BANP: variants seen among roughly 807,000 people sequenced by gnomAD.
BANP encodes the protein protein BANP.
A neutral mutation model predicts 68.1 loss-of-function variants in BANP; 11 were observed. The observed-to-expected ratio is 0.16, with a 90% CI of 0.10 to 0.27. The LOEUF is 0.27. Among genes scored for constraint, BANP ranks in the 10% least tolerant of loss-of-function variants. The probability of loss-of-function intolerance (pLI) is 1.00; values close to 1 mark genes in which losing one functional copy is unlikely to be tolerated. For missense variants in BANP, 504 were observed against 722.7 expected, an observed-to-expected ratio of 0.70 and a Z score of 3.47; for synonymous variants, 329 against 303.2, an observed-to-expected ratio of 1.09 and a Z score of -0.88.
chr16:88,068,610 G>A (rs1458575750), intron 12 of BANP, among the ~76,000 whole-genome samples: 3 of 152,158 alleles, frequency 2.0e-5, no homozygotes, highest in Non-Finnish European at 4.4e-5. Flanking sequence ...ACTGGTGCGG[G>A]TGCTGGCTGC....
intron 1 of BANP, among the ~76,000 whole-genome samples, 157 bp from the exon 2 acceptor site, chr16:87,974,891 C>T (rs2061735081): frequency 6.6e-6 from 1 of 152,190 alleles, no homozygotes; most frequent in African/African-American, 2.4e-5. Flanking sequence ...TTCAAAGAAA[C>T]TAACCTTTTG....
intron 12 of BANP, 38 bp from the exon 13 acceptor site, chr16:88,072,031 G>A (rs946209528): frequency 6.5e-7 from 1 of 1,543,744 alleles, no homozygotes; most frequent in Non-Finnish European, 8.7e-7. Context: ...TGGGTTGTGG[G>A]CCACGCCGCT....
chr16:88,017,782 C>G (rs913869580), intron 6 of BANP, among the ~76,000 whole-genome samples: 3 of 152,222 alleles, frequency 2.0e-5, no homozygotes, highest in African/African-American at 7.2e-5. Flanking sequence ...GTCCACGGGT[C>G]CTTGCTGTGG....
Position 88,004,734 on chromosome 16 carries a change from C to T in BANP, c.479+323C>T, listed in dbSNP as rs1014583085. 6.6e-6 allele frequency among the ~76,000 whole-genome samples: 1 copy of T among 152,236 alleles called. No homozygotes were observed. The highest frequency in any genetic ancestry group is 2.4e-5 in the African/African-American group (1 of 41,466). ...TCATCCTCCCACCTAGCTCAGTGGT[C>T]CTCACGTCTGTCTGTGCAGAGCGTG... is the stretch of plus-strand genomic sequence containing the variant. On this transcript the variant is annotated intron_variant, in intron 5 of 13. Coordinates refer to ENST00000682872, the MANE Select transcript of BANP (RefSeq NM_001386991.1). This position sits in a 1 kb window ranked among gnomAD's most constrained non-coding sequence, Gnocchi z 7.0.
At chr16:88,014,964 A>T (rs1021906833) in intron 6 of BANP, among the ~76,000 whole-genome samples, 11 of 152,096 alleles carry the variant, frequency 7.2e-5, no homozygotes, top group Non-Finnish European at 1.5e-4. Flanking sequence ...CTATTCCTGG[A>T]TTACTGAGCA....
chr16:88,027,046 A>C (rs527532464), intron 7 of BANP, among the ~76,000 whole-genome samples: 1 of 152,364 alleles, frequency 6.6e-6, no homozygotes, highest in East Asian at 1.9e-4. Context: ...CCGAGTAGGC[A>C]GAGGACCAGC....
chr16:87,961,054 G>A (rs2059027197), intron 1 of BANP, among the ~76,000 whole-genome samples: 2 of 152,230 alleles, frequency 1.3e-5, no homozygotes, highest in Non-Finnish European at 2.9e-5. Context: ...ACTCGGTGAA[G>A]CAACATTTTC....
Position 88,071,268 on chromosome 16 carries a change from C to A in BANP, c.1378-801C>A. On this transcript the variant is annotated intron_variant, in intron 12 of 13. Coordinates refer to ENST00000682872, the MANE Select transcript of BANP (RefSeq NM_001386991.1). The surrounding 1 kb of genome is among the most constrained non-coding windows in gnomAD (Gnocchi z 6.5). ...CAAGTGAAGACCCCGTGGCTCATGT[C>A]AAGTGCCCTCAGGGCTGGGGCTGCC... 2.8e-6 allele frequency: 1 copy of A among 360,312 alleles called. No homozygotes were observed. 22.3% of individuals were successfully genotyped at this position (360,312 alleles called of 1,614,324 possible).
At chr16:88,076,176 A>G (rs1405040960) in intron 13 of BANP, among the ~76,000 whole-genome samples, 3 of 152,240 alleles carry the variant, frequency 2.0e-5, no homozygotes, top group African/African-American at 4.8e-5. Context: ...TTGTTGAAAC[A>G]TTGGGACAGT....
At chr16:88,069,343 A>G (rs144683907) in intron 12 of BANP, among the ~76,000 whole-genome samples, 1 of 152,232 alleles carries the variant, frequency 6.6e-6, no homozygotes, top group Non-Finnish European at 1.5e-5. Context: ...TTGTTAAAAA[A>G]ATATAAGGCA....
At chr16:87,964,002 A>G (rs1157371845) in intron 1 of BANP, among the ~76,000 whole-genome samples, 3 of 152,240 alleles carry the variant, frequency 2.0e-5, no homozygotes, top group African/African-American at 4.8e-5. Context: ...ATGACCAGCT[A>G]CCGTTAGCCT....
chr16:87,967,791 T>G (rs1481670431), intron 1 of BANP, among the ~76,000 whole-genome samples: 4 of 150,810 alleles, frequency 2.7e-5, no homozygotes, highest in Non-Finnish European at 5.9e-5. Flanking sequence ...CCCTGCTAAT[T>G]TTTGTATTTT....
At chr16:87,996,619 A>T (rs1163946279) in intron 4 of BANP, among the ~76,000 whole-genome samples, 1 of 143,276 alleles carries the variant, frequency 7.0e-6, no homozygotes, top group Non-Finnish European at 1.5e-5. Flanking sequence ...TCTGGTTCTG[A>T]GTGTTGCTGG....
intron 2 of BANP, chr16:87,978,779 C>G (rs1328682764): frequency 2.5e-6 from 1 of 401,790 alleles, no homozygotes; most frequent in East Asian, 7.3e-5. Flanking sequence ...TCAGCCTTAA[C>G]ACGCTAAGTG....
chr16:88,039,124 C>G (rs929649083), intron 11 of BANP, among the ~76,000 whole-genome samples: 4 of 152,178 alleles, frequency 2.6e-5, no homozygotes, highest in African/African-American at 9.7e-5. Context: ...GGCTGCAGAC[C>G]CTCCAGAACT....
chr16:87,988,481 G>C (rs982280983), intron 4 of BANP, among the ~76,000 whole-genome samples: 6 of 151,794 alleles, frequency 4.0e-5, no homozygotes, highest in African/African-American at 1.2e-4. Flanking sequence ...TTGTCAGTCT[G>C]ATCTCAAACT....
At chr16:88,011,702 T>C (rs2073167546) in intron 6 of BANP, among the ~76,000 whole-genome samples, 1 of 152,176 alleles carries the variant, frequency 6.6e-6, no homozygotes, top group African/African-American at 2.4e-5. Flanking sequence ...TGTCACATAA[T>C]CATAAAGTCC....
intron 1 of BANP, among the ~76,000 whole-genome samples, chr16:87,968,852 GATC>G (rs1567610266): frequency 6.6e-6 from 1 of 152,122 alleles, no homozygotes; most frequent in African/African-American, 2.4e-5. Context: ...TTTCCTGTCC[GATC>G]ATTTTTTAAA....
intron 6 of BANP, among the ~76,000 whole-genome samples, chr16:88,007,753 A>G (rs1350505510): frequency 1.3e-5 from 2 of 152,204 alleles, no homozygotes; most frequent in African/African-American, 2.4e-5. Context: ...GAAACATTGA[A>G]AACAATGTCT....
Sources: allele counts gnomAD v4.1 joint callset (sites outside exome capture counted in the v4.1 genomes callset), GRCh38; gene constraint gnomAD v4.1.1; non-coding constraint Gnocchi (gnomAD v3.1); transcripts MANE v1.5; gene names NCBI Gene and HGNC (gene_info 2026-07-23, HGNC 2026-07-21).